Variants in TM6SF1 observed in about 807,000 individuals in gnomAD.
TM6SF1 encodes the protein transmembrane 6 superfamily member 1.
Under a neutral mutation model 47.1 loss-of-function variants are expected in TM6SF1, and 43 were observed. That is an observed-to-expected ratio of 0.91 (90% CI 0.72 to 1.18). The LOEUF is 1.18. Among genes scored for constraint, TM6SF1 ranks in the 50% most tolerant of loss-of-function variants. TM6SF1 has a pLI of 0.00. For synonymous variants in TM6SF1, 177 were observed against 166.3 expected (o/e 1.06, Z -0.49); for missense variants, 390 against 449.0 (o/e 0.87, Z 1.19).
At chr15:83,133,572 A>C (rs932349975) in intron 9 of TM6SF1, 3 of 152,230 alleles carry the variant, frequency 2.0e-5, no homozygotes, top group African/African-American at 7.2e-5. Flanking sequence ...ACTCAACCTC[A>C]CATTGCTAAA....
intron 5 of TM6SF1, 151 bp downstream of exon 5, chr15:83,122,154 A>T (rs2035316205): frequency 4.2e-6 from 3 of 706,308 alleles, no homozygotes; most frequent in Middle Eastern, 3.8e-4. Context: ...TCTCACCTTT[A>T]AAAAAAGTAC....
At chr15:83,133,302 T>A (rs2036382300) in intron 9 of TM6SF1, 1 of 152,234 alleles carries the variant, frequency 6.6e-6, no homozygotes, top group Non-Finnish European at 1.5e-5. Flanking sequence ...CACCTAAGTT[T>A]TCTGCCTATA....
intron 3 of TM6SF1, among the ~76,000 whole-genome samples, chr15:83,117,654 G>T (rs955542842): frequency 9.9e-5 from 15 of 152,128 alleles, no homozygotes; most frequent in African/African-American, 3.4e-4. Flanking sequence ...GGTATCAGAA[G>T]GGGGACTGGG....
intron 2 of TM6SF1, 134 bp downstream of exon 2, chr15:83,113,034 C>T (rs2034331613): frequency 1.3e-6 from 1 of 747,998 alleles, no homozygotes; most frequent in Non-Finnish European, 2.3e-6. Flanking sequence ...AGGGGTGTTT[C>T]AGGACAATCT....
At chr15:83,109,707 G>A (rs1004340867) in intron 1 of TM6SF1, among the ~76,000 whole-genome samples, 9 of 152,072 alleles carry the variant, frequency 5.9e-5, no homozygotes, top group Non-Finnish European at 1.0e-4. Flanking sequence ...GCCCAGCCCC[G>A]CTGCGTGTTT....
In TM6SF1 at chr15:83,118,076, G is replaced by A. The variant is rs186615349; in HGVS notation, c.295-1502G>A. ...ATGGTTTCACCATTAATATAGAGAGGCCATGGCTGGCCTGGTGGCTCATGC... is the reference window on the plus strand; with the variant it reads ...ATGGTTTCACCATTAATATAGAGAGACCATGGCTGGCCTGGTGGCTCATGC... On this transcript the variant is annotated intron_variant, in intron 3 of 9. Transcript: ENST00000322019. Among the ~76,000 whole-genome samples, 5 of 152,268 alleles carry A rather than the reference G, an allele frequency of 3.3e-5. No individual in the cohort carries two copies. The East Asian group carries it at 9.7e-4, about 29-fold the overall frequency.
chr15:83,122,104 C>A, intron 5 of TM6SF1, 101 bp downstream of exon 5: 1 of 952,150 alleles, frequency 1.1e-6, no homozygotes, highest in Non-Finnish European at 1.6e-6. Flanking sequence ...CAAGTGATTC[C>A]AAGCTTACTA....
chr15:83,126,734 T>C, intron 7 of TM6SF1, 21 bp from the exon 8 acceptor site: 1 of 1,584,864 alleles, frequency 6.3e-7, no homozygotes, highest in Non-Finnish European at 8.6e-7. Flanking sequence ...ATTTTTATAA[T>C]GAGTTTATTT....
Position 83,136,641 on chromosome 15 carries a change from TA to T in TM6SF1, c.1087del (p.Thr363GlnfsTer21), listed in dbSNP as rs2036634153. 4 of 1,599,714 alleles carry T rather than the reference TA, an allele frequency of 2.5e-6. No individual in the cohort carries two copies. In the South Asian group the frequency reaches 3.4e-5, roughly 14 times the overall value. On this transcript the variant is annotated frameshift_variant, in exon 10 of 10. Coordinates refer to ENST00000322019, the MANE Select transcript of TM6SF1 (RefSeq NM_023003.5). LOFTEE classifies it high-confidence loss of function. Reference protein sequence around the residue: ...YRCIYKPEFFIKTKAEEKVE With the variant: ...YRCIYKPEFFXKTKAEEKVE ...TGTATCTACAAACCAGAGTTCTTCA[TA>T]AAAACAAAGGCAGAAGAAAAAGTGG... is the stretch of plus-strand genomic sequence containing the variant.
intron 2 of TM6SF1, chr15:83,115,210 T>TTAAAAA: frequency 3.9e-4 from 62 of 156,974 alleles, no homozygotes; most frequent in South Asian, 1.7e-3. Context: ...CTCCGCCTCC[T>TTAAAAA]GGGTTCAAGC....
chr15:83,115,306 C>T (rs150845598), intron 2 of TM6SF1: 12,394 of 225,520 alleles, frequency 0.055, 438 homozygotes, highest in Middle Eastern at 0.12. Context: ...TTAGTAGAGA[C>T]GGGGTTTCAA....
chr15:83,115,990 C>A, intron 3 of TM6SF1, 48 bp downstream of exon 3: 1 of 1,383,488 alleles, frequency 7.2e-7, no homozygotes, highest in Non-Finnish European at 1.0e-6. Context: ...AAGGCCACAA[C>A]CCAGATCACA....
intron 5 of TM6SF1, among the ~76,000 whole-genome samples, chr15:83,122,346 G>A (rs1012199374): frequency 4.0e-5 from 6 of 151,680 alleles, no homozygotes; most frequent in Non-Finnish European, 8.8e-5. Flanking sequence ...AAATGTACTT[G>A]GAAATTACAA....
At chr15:83,131,886 T>A (rs1355052786) in intron 9 of TM6SF1, 1 of 152,250 alleles carries the variant, frequency 6.6e-6, no homozygotes, top group Non-Finnish European at 1.5e-5. Flanking sequence ...CATTATAGGC[T>A]GCTTAGATCC....
chr15:83,126,811 C>G lies in TM6SF1; in HGVS notation c.765C>G (p.Pro255=). ...LCRLYTQFQE[P]YLKDPAAYPK... is the part of the protein sequence containing the mutation. ...GATTATATACGCAATTTCAAGAGCC[C>G]TATCTAAAGGATCCTGCTGCTTATC... Residue 255 remains proline (P), a synonymous_variant, in exon 8 of 10, where the codon CCC becomes CCG. Coordinates refer to ENST00000322019, the MANE Select transcript of TM6SF1 (RefSeq NM_023003.5). 6.2e-7 allele frequency: 1 copy of G among 1,613,978 alleles called. No individual in the cohort carries two copies. Among genetic ancestry groups the G allele is most frequent in the Non-Finnish European group, 8.5e-7 (1 of 1,179,932 alleles).
chr15:83,136,604 T>C lies in TM6SF1; in HGVS notation c.1045T>C (p.Leu349=), dbSNP rs2036630449. The part of the protein sequence containing the change: ...NIAYGVLPQL[L]AYRCIYKPEF... ...AGCATATGGAGTTCTTCCTCAGCTC[T>C]TGGCCTATCGTTGTATCTACAAACC... Residue 349 remains leucine, a synonymous_variant, in exon 10 of 10, where the codon TTG becomes CTG. Coordinates refer to ENST00000322019, the MANE Select transcript of TM6SF1 (RefSeq NM_023003.5). The C allele has an allele frequency of 6.2e-7, 1 of 1,613,418 alleles. No individual in the cohort carries two copies.
chr15:83,115,610 C>T, intron 2 of TM6SF1: 1 of 657,370 alleles, frequency 1.5e-6, no homozygotes, highest in Non-Finnish European at 2.8e-6. Flanking sequence ...TTCTCCACTC[C>T]TGTGATGAGT....
chr15:83,109,040 C>G (rs1479086460), intron 1 of TM6SF1, among the ~76,000 whole-genome samples: 1 of 152,258 alleles, frequency 6.6e-6, no homozygotes, highest in African/African-American at 2.4e-5. Flanking sequence ...GTGTTTGGCA[C>G]TGTTCCAAGT....
intron 1 of TM6SF1, among the ~76,000 whole-genome samples, chr15:83,110,160 G>A (rs1415524218): frequency 2.0e-5 from 3 of 152,106 alleles, no homozygotes; most frequent in Non-Finnish European, 2.9e-5. Flanking sequence ...TAGATTGAGA[G>A]GTCAGGAAAG....
Sources: gnomAD v4.1 joint callset for allele counts (sites outside exome capture counted in the v4.1 genomes callset) on GRCh38, gnomAD v4.1.1 for gene constraint, MANE v1.5 for transcripts, NCBI Gene and HGNC (gene_info 2026-07-23, HGNC 2026-07-21) for gene names.